The following CD99L2 variants were observed in gnomAD, a reference collection of about 807,000 sequenced individuals.
The protein encoded by CD99L2 is CD99 antigen-like protein 2.
In CD99L2, 24 loss-of-function variants were observed where a neutral mutation model predicts 27.3. The observed-to-expected ratio is 0.88, with a 90% CI of 0.64 to 1.24. The LOEUF is 1.24. Ranked by LOEUF, CD99L2 falls within the 50% of genes most tolerant of loss-of-function variation. The pLI is 0.00. For synonymous variants in CD99L2, 97 were observed against 87.9 expected (o/e 1.10, Z -0.58); for missense variants, 255 against 221.6 (o/e 1.15, Z -0.96).
chrX:150,802,783 G>A (rs1324378908), intron 4 of CD99L2, among the ~76,000 whole-genome samples: 13 of 102,296 alleles, frequency 1.3e-4, no homozygotes, highest in South Asian at 4.6e-4. Context: ...GGGTTTCACC[G>A]TGTTAGCCAG....
intron 2 of CD99L2, among the ~76,000 whole-genome samples, chrX:150,824,447 G>GAAGAAGAAAGAAGA (rs1569566004): frequency 3.0e-5 from 2 of 66,120 alleles, no homozygotes; most frequent in African/African-American, 1.3e-4. Flanking sequence ...AAAGAAGAAA[G>GAAGAAGAAAGAAGA]AAGAAGAAGA....
intron 1 of CD99L2, among the ~76,000 whole-genome samples, chrX:150,894,776 T>C: frequency 9.1e-6 from 1 of 110,461 alleles, no homozygotes; most frequent in Non-Finnish European, 1.9e-5. Context: ...TTTGTAGAGA[T>C]GGGGCTCTTG....
At chrX:150,871,510 G>A (rs1557422185) in intron 1 of CD99L2, among the ~76,000 whole-genome samples, 1 of 111,801 alleles carries the variant, frequency 8.9e-6, no homozygotes, top group Admixed American at 9.5e-5. Flanking sequence ...ATGGTGCAGA[G>A]GAACTGGAAC....
Position 150,777,466 on chromosome X carries a change from G to A in CD99L2, c.513C>T (p.Gly171=), listed in dbSNP as rs1452800607. 8.3e-7 allele frequency: 1 copy of A among 1,209,985 alleles called. No individual in the cohort carries two copies. The highest frequency in any genetic ancestry group is 1.7e-5 in the African/African-American group (1 of 57,310). The part of the protein sequence containing the change: ...PDKGKGDGRY[G]SNDDPGSGMV... ...CACCAGATCCAGGGTCGTCATTGCT[G>A]CCGTACCGGCCATCACCTGAAGAAA... The change falls in exon 8 of 11, where the codon GGC becomes GGT. Residue 171 remains glycine, a synonymous_variant. Coordinates refer to ENST00000370377, the MANE Select transcript of CD99L2 (RefSeq NM_031462.4).
At chrX:150,873,859 T>C (rs1389034652) in intron 1 of CD99L2, among the ~76,000 whole-genome samples, 1 of 112,151 alleles carries the variant, frequency 8.9e-6, no homozygotes, top group African/African-American at 3.2e-5. Flanking sequence ...TGAAACAGGA[T>C]GTACCTTCCA....
intron 1 of CD99L2, among the ~76,000 whole-genome samples, chrX:150,853,855 C>T (rs1293701498): frequency 8.9e-6 from 1 of 111,932 alleles, no homozygotes; most frequent in Admixed American, 9.5e-5. Context: ...ATTTGGCAAT[C>T]ACTGCTATTA....
chrX:150,769,369 G>C (rs1373260808), intron 10 of CD99L2, among the ~76,000 whole-genome samples: 1 of 112,505 alleles, frequency 8.9e-6, no homozygotes, highest in Non-Finnish European at 1.9e-5. Context: ...TGCTGGAAGG[G>C]TTATTTTAAA....
In CD99L2 at chrX:150,837,250, T is replaced by C. The variant is rs149259478; in HGVS notation, c.68-5957A>G. Among the ~76,000 whole-genome samples the C allele has an allele frequency of 5.1e-3, 553 of 109,493 alleles. 7 individuals carry two copies. The highest frequency in any genetic ancestry group is 0.014 in the Middle Eastern group (3 of 211). On this transcript the variant is annotated intron_variant, in intron 1 of 10. Transcript: ENST00000370377. ...GGTGCCAGAAAGTAAGAAAGTATTATTATTTTTTTTTTTTTTGAGACGGAG... is the reference window on the plus strand; with the variant it reads ...GGTGCCAGAAAGTAAGAAAGTATTACTATTTTTTTTTTTTTTGAGACGGAG...
chrX:150,774,213 CA>C (rs1476815820), intron 9 of CD99L2, among the ~76,000 whole-genome samples: 4 of 112,113 alleles, frequency 3.6e-5, no homozygotes, highest in African/African-American at 1.3e-4. Flanking sequence ...TTCTGTCAGT[CA>C]GTTCTAACTT....
Position 150,768,797 on chromosome X carries a change from C to G in CD99L2, c.*237G>C. 5.3e-6 allele frequency: 4 copies of G among 748,525 alleles called. No homozygotes were observed. The South Asian group carries it at 2.4e-4, about 45-fold the overall frequency. 61.7% of individuals were successfully genotyped at this position (748,525 alleles called of 1,213,427 possible). On this transcript the variant is annotated 3_prime_UTR_variant, in exon 11 of 11. Transcript: ENST00000370377. ...GTTGGTGGCTCAGCAGCTCCCGAGG[C>G]TGGTGCTGGCTTTCTATCAGAGCTG...
At position 150,776,221 on chromosome X, in the gene CD99L2, G is replaced by A; in HGVS notation, c.608C>T (p.Ser203Phe). The change falls in exon 9 of 11, where the codon TCC (serine) becomes TTC (phenylalanine). Residue 203 changes from serine to phenylalanine, a missense_variant. Transcript: ENST00000370377. Reference protein sequence around the residue: ...ALAMALIGAVSSYISYQQKKF... With the variant: ...ALAMALIGAVFSYISYQQKKF... ...CTTCTGCTGGTAGGAGATGTAGCTG[G>A]AGACGGCACCGATGAGGGCCATGGC... 8.3e-7 allele frequency: 1 copy of A among 1,211,946 alleles called. No homozygotes were observed. Among genetic ancestry groups the A allele is most frequent in the Non-Finnish European group, 1.1e-6 (1 of 895,486 alleles).
At chrX:150,806,722 C>T (rs1323326647) in intron 4 of CD99L2, among the ~76,000 whole-genome samples, 2 of 110,849 alleles carry the variant, frequency 1.8e-5, no homozygotes, top group African/African-American at 6.6e-5. Flanking sequence ...GAAAACCCGT[C>T]TCTACTAAAA....
chrX:150,778,759 G>A (rs1262486615), intron 7 of CD99L2, among the ~76,000 whole-genome samples: 1 of 105,341 alleles, frequency 9.5e-6, no homozygotes, highest in Non-Finnish European at 1.9e-5. Flanking sequence ...TCCCACCTAA[G>A]GCTGAATCCT....
chrX:150,885,238 G>A (rs1481943321), intron 1 of CD99L2, among the ~76,000 whole-genome samples: 2 of 111,103 alleles, frequency 1.8e-5, no homozygotes, highest in Non-Finnish European at 3.8e-5. Flanking sequence ...CCTGGTCGGT[G>A]GTGACACAGG....
chrX:150,828,838 G>A (rs1281011872), intron 2 of CD99L2: 2 of 111,614 alleles, frequency 1.8e-5, no homozygotes, highest in African/African-American at 3.3e-5. Flanking sequence ...ATTTGGCAGC[G>A]TTTTTTATAA....
intron 1 of CD99L2, among the ~76,000 whole-genome samples, chrX:150,835,738 A>G (rs937831588): frequency 8.9e-6 from 1 of 111,827 alleles, no homozygotes. Flanking sequence ...AATAAAAATT[A>G]AAAAATAAAA....
intron 2 of CD99L2, among the ~76,000 whole-genome samples, chrX:150,817,514 A>G (rs1403317966): frequency 8.9e-6 from 1 of 112,152 alleles, no homozygotes; most frequent in Non-Finnish European, 1.9e-5. Flanking sequence ...AATGTGCATG[A>G]AGTTTTTCCA....
intron 1 of CD99L2, among the ~76,000 whole-genome samples, chrX:150,897,314 A>G (rs143203268): frequency 0.018 from 1,998 of 112,322 alleles, 19 homozygotes; most frequent in African/African-American, 0.035. Flanking sequence ...GACAGTCTCA[A>G]TTTTGTTCAC....
chrX:150,774,546 G>A (rs2043516850), intron 9 of CD99L2, among the ~76,000 whole-genome samples: 1 of 111,981 alleles, frequency 8.9e-6, no homozygotes, highest in Admixed American at 9.4e-5. Context: ...AGCCCACGGA[G>A]GACAGCCTTG....
Sources: gnomAD v4.1 joint callset for allele counts (sites outside exome capture counted in the v4.1 genomes callset) on GRCh38, gnomAD v4.1.1 for gene constraint, MANE v1.5 for transcripts, NCBI Gene and HGNC (gene_info 2026-07-23, HGNC 2026-07-21) for gene names.